CCSER1: variants seen among roughly 807,000 people sequenced by gnomAD.
CCSER1 encodes the protein coiled-coil serine rich protein 1.
CCSER1 carries 41 observed loss-of-function variants against 82.0 expected under a neutral mutation model. The observed-to-expected ratio is 0.50, with a 90% CI of 0.39 to 0.65. CCSER1 has a LOEUF of 0.65. Ranked by LOEUF, CCSER1 falls within the 30% of genes least tolerant of loss-of-function variation. The probability of loss-of-function intolerance (pLI) is 0.00; values close to 1 mark genes in which losing one functional copy is unlikely to be tolerated. For missense variants in CCSER1, 1,119 were observed against 1,064.2 expected (o/e 1.05, Z -0.72); for synonymous variants, 414 against 383.9 (o/e 1.08, Z -0.92).
At chr4:90,352,708 G>A (rs4694024) in intron 3 of CCSER1, among the ~76,000 whole-genome samples, 44,179 of 151,058 alleles carry the variant, frequency 0.29, 6,542 homozygotes, top group East Asian at 0.44. Flanking sequence ...ACACACACAC[G>A]CAGATAGTAA....
chr4:90,324,945 T>A (rs1218385977), intron 3 of CCSER1, among the ~76,000 whole-genome samples: 1 of 152,222 alleles, frequency 6.6e-6, no homozygotes, highest in Non-Finnish European at 1.5e-5. Flanking sequence ...CCCCATTGCT[T>A]GTTTTTCTCA....
At chr4:91,495,340 T>C (rs1421952778) in intron 10 of CCSER1, among the ~76,000 whole-genome samples, 2 of 151,404 alleles carry the variant, frequency 1.3e-5, no homozygotes, top group East Asian at 3.9e-4. Flanking sequence ...ACCATTATTC[T>C]AAAAGAATTA....
chr4:90,284,823 A>G (rs1304017130), intron 1 of CCSER1, among the ~76,000 whole-genome samples: 2 of 151,948 alleles, frequency 1.3e-5, no homozygotes, highest in South Asian at 2.1e-4. Context: ...GGAGAGAGAT[A>G]TGGGTCTAGT....
intron 1 of CCSER1, among the ~76,000 whole-genome samples, chr4:90,220,390 G>T (rs547836265): frequency 6.2e-4 from 94 of 151,242 alleles, no homozygotes; most frequent in African/African-American, 2.2e-3. Context: ...ATTCTTCTAT[G>T]ATTTTTTTTT....
At chr4:90,413,857 G>A (rs1432720816) in intron 4 of CCSER1, among the ~76,000 whole-genome samples, 1 of 145,936 alleles carries the variant, frequency 6.9e-6, no homozygotes, top group Non-Finnish European at 1.5e-5. Context: ...GCTGAGGCAG[G>A]AGAATGGCGT....
chr4:90,952,557 C>G (rs1000098439), intron 9 of CCSER1, among the ~76,000 whole-genome samples: 5 of 151,982 alleles, frequency 3.3e-5, no homozygotes, highest in African/African-American at 1.2e-4. Context: ...TTTTGTAGCA[C>G]TTTTCAGGTA....
chr4:91,573,264 C>T lies in CCSER1; in HGVS notation c.2218-25308C>T, dbSNP rs1436720263. On this transcript the variant is annotated intron_variant, in intron 10 of 10. Transcript: ENST00000509176. ...ACAGGAGCTCTTTCTTAGGGAGATA[C>T]AATGCTGCCATTGGTGGCTGGCTGG... 2.0e-5 allele frequency among the ~76,000 whole-genome samples: 3 copies of T among 152,210 alleles called. No homozygotes were observed. In the East Asian group the frequency reaches 5.8e-4, roughly 29 times the overall value.
chr4:91,143,390 G>A (rs1325970058), intron 10 of CCSER1, among the ~76,000 whole-genome samples: 1 of 151,944 alleles, frequency 6.6e-6, no homozygotes, highest in Non-Finnish European at 1.5e-5. Context: ...GGCAGATTAT[G>A]TAGCATTTTC....
chr4:91,591,761 A>G (rs1764281387), intron 10 of CCSER1, among the ~76,000 whole-genome samples: 1 of 152,184 alleles, frequency 6.6e-6, no homozygotes, highest in African/African-American at 2.4e-5. Context: ...CCAAAGATGT[A>G]TGTACCCACC....
intron 6 of CCSER1, among the ~76,000 whole-genome samples, chr4:90,659,460 T>A (rs1485821264): frequency 6.6e-6 from 1 of 152,052 alleles, no homozygotes. Flanking sequence ...AGCAGATTAG[T>A]CATCCCCCCA....
intron 10 of CCSER1, among the ~76,000 whole-genome samples, chr4:91,248,913 G>A (rs1303574534): frequency 2.0e-5 from 3 of 151,892 alleles, no homozygotes; most frequent in Non-Finnish European, 4.4e-5. Flanking sequence ...AAAATTATTA[G>A]AAAAAATTAA....
intron 3 of CCSER1, among the ~76,000 whole-genome samples, chr4:90,352,676 A>C (rs76954550): frequency 1.2e-4 from 17 of 146,834 alleles, no homozygotes; most frequent in Non-Finnish European, 2.4e-4. Flanking sequence ...CAAAAAAAAA[A>C]CATATATGTA....
intron 10 of CCSER1, among the ~76,000 whole-genome samples, chr4:91,276,757 C>A (rs141405480): frequency 6.0e-4 from 92 of 152,068 alleles, no homozygotes; most frequent in African/African-American, 2.1e-3. Context: ...CCAGTTTTTC[C>A]CATTGTGTCC....
chr4:91,171,153 C>G (rs1432548843), intron 10 of CCSER1, among the ~76,000 whole-genome samples: 1 of 151,986 alleles, frequency 6.6e-6, no homozygotes, highest in Non-Finnish European at 1.5e-5. Context: ...ACATTCAAAA[C>G]AGGGCTCTAA....
At chr4:90,392,580 C>T (rs1256858769) in intron 3 of CCSER1, among the ~76,000 whole-genome samples, 1 of 152,018 alleles carries the variant, frequency 6.6e-6, no homozygotes, top group African/African-American at 2.4e-5. Context: ...TAAATATTCT[C>T]CTTTGCAAAA....
At chr4:91,522,838 C>CT (rs779281925) in intron 10 of CCSER1, among the ~76,000 whole-genome samples, 15 of 152,094 alleles carry the variant, frequency 9.9e-5, no homozygotes, top group Non-Finnish European at 2.1e-4. Context: ...ATTTGACTTC[C>CT]TTTTTTCCTA....
chr4:90,472,084 G>A (rs1764485673), intron 5 of CCSER1, among the ~76,000 whole-genome samples: 1 of 152,048 alleles, frequency 6.6e-6, no homozygotes, highest in South Asian at 2.1e-4. Flanking sequence ...AATTTTGGAT[G>A]GAATTACTTC....
Position 91,191,469 on chromosome 4 carries a change from A to T in CCSER1, c.2217+105475A>T, listed in dbSNP as rs75640690. On this transcript the variant is annotated intron_variant, in intron 10 of 10. Coordinates refer to ENST00000509176, the MANE Select transcript of CCSER1 (RefSeq NM_001145065.2). ...TAACTTTTCAGAATTACCTTACTTTATGAATTTTGATAAGTGATGCTCTAT... is the reference window on the plus strand; with the variant it reads ...TAACTTTTCAGAATTACCTTACTTTTTGAATTTTGATAAGTGATGCTCTAT... 4.9e-3 allele frequency among the ~76,000 whole-genome samples: 743 copies of T among 152,214 alleles called. 6 individuals are homozygous for T. Among genetic ancestry groups the T allele is most frequent in the African/African-American group, 0.017 (701 of 41,536 alleles).
intron 8 of CCSER1, among the ~76,000 whole-genome samples, chr4:90,881,204 C>T: frequency 6.6e-6 from 1 of 151,994 alleles, no homozygotes; most frequent in East Asian, 1.9e-4. Flanking sequence ...TAAATATCAA[C>T]CTCAAACTCG....
Sources: gnomAD v4.1 joint callset for allele counts (sites outside exome capture counted in the v4.1 genomes callset) on GRCh38, gnomAD v4.1.1 for gene constraint, MANE v1.5 for transcripts, NCBI Gene and HGNC (gene_info 2026-07-23, HGNC 2026-07-21) for gene names.